RFX7: variants seen among roughly 807,000 people sequenced by gnomAD.
RFX7 encodes regulatory factor X7.
Under a neutral mutation model 111.8 loss-of-function variants are expected in RFX7, and 26 were observed. That is an observed-to-expected ratio of 0.23 (90% CI 0.17 to 0.32). RFX7 has a LOEUF of 0.32. Among genes scored for constraint, RFX7 ranks in the 10% least tolerant of loss-of-function variants. RFX7 has a pLI of 1.00. For missense variants in RFX7, 1,573 were observed against 1,772.9 expected (o/e 0.89, Z 2.02); for synonymous variants, 624 against 624.4 (o/e 1.00, Z 0.01).
chr15:56,196,020 TATC>T, intron 2 of RFX7, among the ~76,000 whole-genome samples: 1 of 152,296 alleles, frequency 6.6e-6, no homozygotes, highest in East Asian at 1.9e-4. Context: ...GAATGAACTT[TATC>T]ATAAGGTAAC....
chr15:56,202,261 A>C (rs559860950), intron 2 of RFX7, among the ~76,000 whole-genome samples: 1 of 152,298 alleles, frequency 6.6e-6, no homozygotes, highest in African/African-American at 2.4e-5. Flanking sequence ...GAAGTAAAAA[A>C]CAGATATTAC....
intron 2 of RFX7, among the ~76,000 whole-genome samples, chr15:56,233,093 G>A (rs911261083): frequency 1.3e-5 from 2 of 152,128 alleles, no homozygotes; most frequent in African/African-American, 4.8e-5. Flanking sequence ...CCAATTTACT[G>A]TATTAATCTG....
intron 8 of RFX7, among the ~76,000 whole-genome samples, chr15:56,098,902 C>T (rs2041717521): frequency 6.6e-6 from 1 of 152,146 alleles, no homozygotes; most frequent in African/African-American, 2.4e-5. Flanking sequence ...ACCAGCAATT[C>T]ATGGAAATAG....
chr15:56,112,116 G>GAAAAAAAAA (rs754438474), intron 5 of RFX7, among the ~76,000 whole-genome samples: 1 of 95,720 alleles, frequency 1.0e-5, no homozygotes. Context: ...CTTTGCCCCA[G>GAAAAAAAAA]AAAAAAAAAA....
At chr15:56,109,976 C>A (rs1330094676) in intron 5 of RFX7, among the ~76,000 whole-genome samples, 1 of 140,966 alleles carries the variant, frequency 7.1e-6, no homozygotes, top group Non-Finnish European at 1.6e-5. Flanking sequence ...GGGGATCAGC[C>A]CCCTGCCCGG....
At chr15:56,136,114 C>T (rs1275005762) in intron 5 of RFX7, among the ~76,000 whole-genome samples, 6 of 151,978 alleles carry the variant, frequency 3.9e-5, no homozygotes, top group East Asian at 1.9e-4. Context: ...TTTTTGGTTC[C>T]GTATGAACTT....
chr15:56,204,301 A>G (rs1289093929), intron 2 of RFX7, among the ~76,000 whole-genome samples: 1 of 152,088 alleles, frequency 6.6e-6, no homozygotes, highest in African/African-American at 2.4e-5. Context: ...TTATGGGCAT[A>G]AGCCACCGAG....
In RFX7 at chr15:56,243,271, T is replaced by C. The variant is rs1170297036; in HGVS notation, c.15A>G (p.Gln5=). Reference sequence around the variant, plus strand: ...CAGGCTGCTGTGGTGGCGGCTGTTGTTGTTCCTCTGCCATCGCTGCAGAGG... The same window carrying C: ...CAGGCTGCTGTGGTGGCGGCTGTTGCTGTTCCTCTGCCATCGCTGCAGAGG... The part of the protein sequence containing the change: MAEE[Q]QQPPPQQPDA... Residue 5 remains glutamine (Q), a synonymous_variant, in exon 2 of 10, where the codon CAA becomes CAG. Transcript: ENST00000559447. The C allele has an allele frequency of 2.4e-6, 3 of 1,257,428 alleles. No homozygotes were observed. The highest frequency in any genetic ancestry group is 3.1e-6 in the Non-Finnish European group (3 of 968,498). The allele number at this position is 1,257,428 out of a possible 1,614,324, so 77.9% of individuals were successfully genotyped here. A position where few individuals can be genotyped will look rare whatever the true frequency, so the allele number is the denominator to read the frequency against.
At position 56,238,133 on chromosome 15, in the gene RFX7, A is replaced by C. The variant is rs998813511; in HGVS notation, c.161+4992T>G. On this transcript the variant is annotated intron_variant, in intron 2 of 9. Transcript: ENST00000559447. ...ACAATATTTCTCAACAGAGTTAATAAACTACCTGATTCAAAAACCAAGAAT... is the reference window on the plus strand; with the variant it reads ...ACAATATTTCTCAACAGAGTTAATACACTACCTGATTCAAAAACCAAGAAT... Among the ~76,000 whole-genome samples the C allele has an allele frequency of 2.0e-5, 3 of 152,218 alleles. No individual in the cohort carries two copies. In the South Asian group the frequency reaches 6.2e-4, roughly 31 times the overall value.
At chr15:56,138,491 T>C (rs576495193) in intron 5 of RFX7, among the ~76,000 whole-genome samples, 1 of 149,740 alleles carries the variant, frequency 6.7e-6, no homozygotes, top group African/African-American at 2.4e-5. Flanking sequence ...CATCCTTTTA[T>C]TTTGAGCCTA....
chr15:56,140,458 C>T (rs1230246617), intron 5 of RFX7, among the ~76,000 whole-genome samples: 1 of 152,204 alleles, frequency 6.6e-6, no homozygotes, highest in Non-Finnish European at 1.5e-5. Context: ...TGAGGCAATG[C>T]CTCGCCCTGC....
At position 56,149,674 on chromosome 15, in the gene RFX7, G is replaced by A. The variant is rs572042081; in HGVS notation, c.196-5191C>T. Among the ~76,000 whole-genome samples, 6 of 152,270 alleles carry A rather than the reference G, an allele frequency of 3.9e-5. No homozygotes were observed. In the East Asian group the frequency reaches 5.8e-4, roughly 15 times the overall value. On this transcript the variant is annotated intron_variant, in intron 3 of 9. Coordinates refer to ENST00000559447, the MANE Select transcript of RFX7 (RefSeq NM_022841.7). ...TGAAGAACTCCAGCACAGACACTGC[G>A]CTTGTCCCATGGTCTTCGTAACCCA...
At chr15:56,159,652 C>A (rs1374093308) in intron 3 of RFX7, among the ~76,000 whole-genome samples, 1 of 152,144 alleles carries the variant, frequency 6.6e-6, no homozygotes, top group Non-Finnish European at 1.5e-5. Context: ...GGTAACTTTT[C>A]ATTTCTCTTC....
At chr15:56,172,735 T>A (rs1452305282) in intron 3 of RFX7, among the ~76,000 whole-genome samples, 8 of 152,192 alleles carry the variant, frequency 5.3e-5, no homozygotes, top group Non-Finnish European at 1.0e-4. Flanking sequence ...GCGAGTTTAG[T>A]AGCTTGAGCT....
intron 3 of RFX7, among the ~76,000 whole-genome samples, chr15:56,153,473 T>A (rs972035944): frequency 6.6e-6 from 1 of 151,966 alleles, no homozygotes; most frequent in South Asian, 2.1e-4. Context: ...ACGTAATCCA[T>A]CCACATAAAT....
At chr15:56,114,391 A>G (rs2041978901) in intron 5 of RFX7, among the ~76,000 whole-genome samples, 1 of 150,034 alleles carries the variant, frequency 6.7e-6, no homozygotes, top group African/African-American at 2.5e-5. Context: ...AGCCTAGGCA[A>G]CAGAGTGAGA....
chr15:56,190,501 T>A (rs964923075), intron 2 of RFX7, among the ~76,000 whole-genome samples: 1 of 152,232 alleles, frequency 6.6e-6, no homozygotes, highest in Non-Finnish European at 1.5e-5. Flanking sequence ...TTCAGAACTC[T>A]TCAGCATTAC....
At chr15:56,164,313 G>T (rs1595980390) in intron 3 of RFX7, among the ~76,000 whole-genome samples, 1 of 152,294 alleles carries the variant, frequency 6.6e-6, no homozygotes, top group East Asian at 1.9e-4. Flanking sequence ...GTCAGTAGCT[G>T]ATTCCTTCCA....
intron 3 of RFX7, among the ~76,000 whole-genome samples, chr15:56,169,957 CT>C (rs768121135): frequency 2.1e-4 from 32 of 151,876 alleles, no homozygotes; most frequent in Admixed American, 3.3e-4. Context: ...AATGAGTTAT[CT>C]TTACTTATTG....
Sources: allele counts gnomAD v4.1 joint callset (sites outside exome capture counted in the v4.1 genomes callset), GRCh38; gene constraint gnomAD v4.1.1; transcripts MANE v1.5; gene names NCBI Gene and HGNC (gene_info 2026-07-23, HGNC 2026-07-21).